STX17: variants seen among roughly 807,000 people sequenced by gnomAD.
STX17 encodes syntaxin 17.
Under a neutral mutation model 35.9 loss-of-function variants are expected in STX17, and 29 were observed. The ratio of observed to expected loss-of-function variants is 0.81; its 90% CI spans 0.60 to 1.10. The LOEUF is 1.10. STX17 is among the 50% of genes least tolerant of loss of function. The pLI, the probability that STX17 is intolerant of heterozygous loss-of-function variation, is 0.00. For missense variants in STX17, 312 were observed against 352.3 expected, an observed-to-expected ratio of 0.89 and a Z score of 0.92; for synonymous variants, 92 against 118.3, an observed-to-expected ratio of 0.78 and a Z score of 1.44.
In STX17 at chr9:99,931,665, G is replaced by C. The variant is rs538476228; in HGVS notation, c.189+2822G>C. The stretch of plus-strand genomic sequence containing the variant: ...GCCTACAAAGCTTGAGCTATTTACT[G>C]TCTGGTTCTTTGTAGAAAAAATTTG... On this transcript the variant is annotated intron_variant, in intron 3 of 7. Transcript: ENST00000259400. Among the ~76,000 whole-genome samples, 13 of 152,108 alleles carry C rather than the reference G, an allele frequency of 8.5e-5. No homozygotes were observed. The East Asian group carries it at 1.5e-3, about 18-fold the overall frequency.
intron 3 of STX17, among the ~76,000 whole-genome samples, chr9:99,934,446 G>A (rs891987711): frequency 6.6e-6 from 1 of 152,084 alleles, no homozygotes; most frequent in Non-Finnish European, 1.5e-5. Flanking sequence ...GTTAATACTT[G>A]TTAAGCTATA....
intron 4 of STX17, among the ~76,000 whole-genome samples, chr9:99,955,467 A>G (rs1829687858): frequency 6.6e-6 from 1 of 152,106 alleles, no homozygotes; most frequent in Non-Finnish European, 1.5e-5. Flanking sequence ...TGATCAGTAA[A>G]TTAATTTCAC....
At chr9:99,937,672 A>T (rs574726045) in intron 3 of STX17, among the ~76,000 whole-genome samples, 1 of 152,034 alleles carries the variant, frequency 6.6e-6, no homozygotes, top group African/African-American at 2.4e-5. Context: ...AGCTATTTTT[A>T]TATCTTTTTC....
In STX17 at chr9:99,915,186, A is replaced by G. The variant is rs1564057128; in HGVS notation, c.-54A>G. The G allele has an allele frequency of 9.1e-6, 14 of 1,538,970 alleles. No homozygotes were observed. The highest frequency in any genetic ancestry group is 1.7e-4 in the Middle Eastern group (1 of 5,734). On this transcript the variant is annotated 5_prime_UTR_variant, in exon 2 of 8. Transcript: ENST00000259400. ...AAATATTTTTCTTTTAGGTTTTTCT[A>G]TATGAGTGGAGAAGACAGCTGTTAC...
chr9:99,928,928 GA>G (rs1829049976), intron 3 of STX17, 85 bp downstream of exon 3: 1 of 1,211,124 alleles, frequency 8.3e-7, no homozygotes, highest in Admixed American at 1.9e-5. Context: ...CTTTGCAGCT[GA>G]ACCCTTTTAT....
chr9:99,957,448 G>C (rs1014770865), intron 4 of STX17, among the ~76,000 whole-genome samples: 1 of 152,002 alleles, frequency 6.6e-6, no homozygotes, highest in African/African-American at 2.4e-5. Context: ...TTTATCTCTG[G>C]CACCCTAACA....
chr9:99,922,774 A>G (rs911004525), intron 2 of STX17, among the ~76,000 whole-genome samples: 1 of 152,188 alleles, frequency 6.6e-6, no homozygotes, highest in Admixed American at 6.5e-5. Flanking sequence ...AAGTGGGACT[A>G]TCATTCACTA....
intron 3 of STX17, among the ~76,000 whole-genome samples, chr9:99,944,299 A>G (rs557798425): frequency 1.4e-4 from 22 of 151,862 alleles, no homozygotes; most frequent in African/African-American, 4.6e-4. Context: ...CTGTTTCATC[A>G]AATTTATTTT....
intron 2 of STX17, among the ~76,000 whole-genome samples, chr9:99,922,044 GT>G (rs1828900255): frequency 2.0e-5 from 3 of 152,138 alleles, no homozygotes; most frequent in Admixed American, 2.0e-4. Flanking sequence ...TTCAGACACT[GT>G]TTATTGCATA....
intron 4 of STX17, chr9:99,954,011 A>T (rs1829658904): frequency 6.6e-6 from 1 of 151,368 alleles, no homozygotes; most frequent in South Asian, 2.1e-4. Context: ...ATTGGTATAT[A>T]AAAAAAAACT....
At chr9:99,924,543 G>C (rs933575621) in intron 2 of STX17, among the ~76,000 whole-genome samples, 1 of 152,070 alleles carries the variant, frequency 6.6e-6, no homozygotes, top group Non-Finnish European at 1.5e-5. Flanking sequence ...AGCATAGTGA[G>C]TTGAGTTACT....
At chr9:99,955,964 A>G (rs943262743) in intron 4 of STX17, among the ~76,000 whole-genome samples, 5 of 152,172 alleles carry the variant, frequency 3.3e-5, no homozygotes, top group Non-Finnish European at 5.9e-5. Flanking sequence ...AAAAGTTCAA[A>G]GGATCGTCAC....
At chr9:99,959,858 C>A in intron 4 of STX17, 59 bp from the exon 5 acceptor site, 1 of 1,239,998 alleles carries the variant, frequency 8.1e-7, no homozygotes, top group Non-Finnish European at 1.2e-6. Flanking sequence ...TCAATTTATG[C>A]TGTCTCTTTT....
At chr9:99,906,801 C>T (rs1391920854) in intron 1 of STX17, 95 bp downstream of exon 1, 2 of 152,266 alleles carry the variant, frequency 1.3e-5, no homozygotes, top group African/African-American at 4.8e-5. Context: ...AGGCGCTGGG[C>T]GGCAAGTAGG....
chr9:99,930,259 T>A (rs945692994), intron 3 of STX17, among the ~76,000 whole-genome samples: 1 of 150,800 alleles, frequency 6.6e-6, no homozygotes, highest in Non-Finnish European at 1.5e-5. Context: ...TCTTTATTTA[T>A]TTTATTTTAT....
chr9:99,928,420 ATATCT>A (rs148353306), intron 2 of STX17, among the ~76,000 whole-genome samples: 2,439 of 152,246 alleles, frequency 0.016, 71 homozygotes, highest in African/African-American at 0.056. Context: ...TACAATAAGA[ATATCT>A]TATGAACACT....
chr9:99,960,177 A>G, intron 6 of STX17, 22 bp downstream of exon 6: 2 of 1,609,040 alleles, frequency 1.2e-6, no homozygotes, highest in African/African-American at 1.3e-5. Flanking sequence ...ACTGTTTTGG[A>G]TGCAGAATTG....
intron 2 of STX17, among the ~76,000 whole-genome samples, chr9:99,924,938 G>A (rs1828959279): frequency 1.3e-5 from 2 of 152,138 alleles, no homozygotes; most frequent in Admixed American, 6.5e-5. Context: ...GGTTGAGGAA[G>A]TTAACTTCTA....
At chr9:99,921,494 C>T (rs1267522559) in intron 2 of STX17, among the ~76,000 whole-genome samples, 1 of 151,732 alleles carries the variant, frequency 6.6e-6, no homozygotes, top group Non-Finnish European at 1.5e-5. Context: ...ATGTTATGTG[C>T]AAATTTGATA....
Sources: gnomAD v4.1 joint callset for allele counts (sites outside exome capture counted in the v4.1 genomes callset) on GRCh38, gnomAD v4.1.1 for gene constraint, MANE v1.5 for transcripts, NCBI Gene and HGNC (gene_info 2026-07-23, HGNC 2026-07-21) for gene names.